UBE2H: variants seen among roughly 807,000 people sequenced by gnomAD.
The protein encoded by UBE2H is ubiquitin conjugating enzyme E2 H, also known as ubiquitin-conjugating enzyme E2 H.
UBE2H carries 3 observed loss-of-function variants against 29.0 expected under a neutral mutation model. The ratio of observed to expected loss-of-function variants is 0.10; its 90% CI spans 0.05 to 0.27. UBE2H has a LOEUF of 0.27. UBE2H is among the 10% of genes least tolerant of loss of function. UBE2H has a pLI of 1.00. For missense variants in UBE2H, 68 were observed against 228.2 expected (o/e 0.30, Z 4.52); for synonymous variants, 69 against 82.9 (o/e 0.83, Z 0.91).
intron 1 of UBE2H, among the ~76,000 whole-genome samples, chr7:129,917,441 T>C (rs553074297): frequency 6.6e-6 from 1 of 152,272 alleles, no homozygotes; most frequent in East Asian, 1.9e-4. Context: ...ACTGTGTGTG[T>C]GCAGATGTGT....
At chr7:129,934,975 ATG>A (rs1563051603) in intron 1 of UBE2H, among the ~76,000 whole-genome samples, 2 of 150,702 alleles carry the variant, frequency 1.3e-5, no homozygotes, top group East Asian at 1.9e-4. Flanking sequence ...ATGTGTATAT[ATG>A]TGTGTGTATA....
chr7:129,863,088 G>C (rs903773810), intron 3 of UBE2H, among the ~76,000 whole-genome samples: 2 of 152,186 alleles, frequency 1.3e-5, no homozygotes, highest in African/African-American at 4.8e-5. Flanking sequence ...AAAGACTAAG[G>C]TGCCTCCCTC....
At chr7:129,844,944 C>T (rs1265121040) in intron 5 of UBE2H, among the ~76,000 whole-genome samples, 3 of 152,174 alleles carry the variant, frequency 2.0e-5, no homozygotes, top group Non-Finnish European at 2.9e-5. Context: ...GCCTGGCCAA[C>T]GTGGCAAAAC....
At chr7:129,913,978 CA>C (rs2116453985) in intron 1 of UBE2H, among the ~76,000 whole-genome samples, 1 of 152,272 alleles carries the variant, frequency 6.6e-6, no homozygotes, top group African/African-American at 2.4e-5. Context: ...CTAGGAAACA[CA>C]TATCTGCTTG....
chr7:129,858,219 A>G (rs1206861893), intron 4 of UBE2H, among the ~76,000 whole-genome samples: 1 of 152,210 alleles, frequency 6.6e-6, no homozygotes, highest in Non-Finnish European at 1.5e-5. Flanking sequence ...TAGATAAGAG[A>G]ATATCCTTGT....
intron 1 of UBE2H, among the ~76,000 whole-genome samples, chr7:129,886,987 G>C (rs939088533): frequency 6.6e-6 from 1 of 151,972 alleles, no homozygotes. Flanking sequence ...GGCCAGCAAC[G>C]TTAATGATTG....
At chr7:129,839,911 T>G (rs1805397862) in intron 5 of UBE2H, among the ~76,000 whole-genome samples, 1 of 152,158 alleles carries the variant, frequency 6.6e-6, no homozygotes. Flanking sequence ...GGTTTCACCA[T>G]GTTGGTCAGG....
intron 5 of UBE2H, among the ~76,000 whole-genome samples, chr7:129,853,137 G>A (rs929899663): frequency 6.6e-6 from 1 of 152,188 alleles, no homozygotes; most frequent in Non-Finnish European, 1.5e-5. Flanking sequence ...GGTCCAGAAG[G>A]GTGGGATGAG....
chr7:129,885,477 G>A (rs368558600), intron 1 of UBE2H, among the ~76,000 whole-genome samples: 3 of 151,990 alleles, frequency 2.0e-5, no homozygotes, highest in South Asian at 4.2e-4. Flanking sequence ...ACCTGGATGC[G>A]ATAAAACGAG....
intron 2 of UBE2H, among the ~76,000 whole-genome samples, chr7:129,880,638 T>C (rs915407861): frequency 2.0e-5 from 3 of 152,218 alleles, no homozygotes; most frequent in Admixed American, 1.3e-4. Context: ...ACATGCAAAT[T>C]CTATGTCATC....
At chr7:129,860,629 C>CA (rs767435633) in intron 3 of UBE2H, among the ~76,000 whole-genome samples, 23 of 151,980 alleles carry the variant, frequency 1.5e-4, no homozygotes, top group Non-Finnish European at 2.4e-4. Flanking sequence ...AAGGGGAGTA[C>CA]ATCCATCTAC....
intron 5 of UBE2H, among the ~76,000 whole-genome samples, chr7:129,843,425 T>C (rs1046678807): frequency 1.3e-5 from 2 of 152,086 alleles, no homozygotes; most frequent in Non-Finnish European, 2.9e-5. Context: ...TAGGCACCAT[T>C]TTACAGATGG....
chr7:129,877,607 C>G (rs1806171070), intron 3 of UBE2H, among the ~76,000 whole-genome samples: 1 of 152,178 alleles, frequency 6.6e-6, no homozygotes, highest in Admixed American at 6.5e-5. Context: ...TAGGCATTAT[C>G]AAGTCCTGAA....
intron 1 of UBE2H, among the ~76,000 whole-genome samples, chr7:129,893,260 T>C (rs995307846): frequency 1.3e-5 from 2 of 152,194 alleles, no homozygotes; most frequent in African/African-American, 2.4e-5. Context: ...AAGCCAAACA[T>C]AGGCAAAAAC....
intron 1 of UBE2H, among the ~76,000 whole-genome samples, chr7:129,946,210 G>A (rs1052484236): frequency 2.0e-5 from 3 of 150,506 alleles, no homozygotes; most frequent in Non-Finnish European, 3.0e-5. Flanking sequence ...CCGCCACCAC[G>A]CCCGGCTAAT....
At chr7:129,936,995 A>AAAC (rs990380629) in intron 1 of UBE2H, among the ~76,000 whole-genome samples, 1 of 151,350 alleles carries the variant, frequency 6.6e-6, no homozygotes. Context: ...ACAAACAAAC[A>AAAC]AACAACAACA....
chr7:129,937,424 T>TC (rs1033430142), intron 1 of UBE2H, among the ~76,000 whole-genome samples: 1 of 152,192 alleles, frequency 6.6e-6, no homozygotes, highest in African/African-American at 2.4e-5. Context: ...TTCAGATATA[T>TC]CATGGTTTAT....
intron 1 of UBE2H, among the ~76,000 whole-genome samples, chr7:129,916,174 T>A (rs1487306641): frequency 1.3e-5 from 2 of 152,170 alleles, no homozygotes; most frequent in Admixed American, 1.3e-4. Context: ...TCCAGGACTT[T>A]AACATCCTAA....
At chr7:129,884,554 A>G (rs1394745646) in intron 1 of UBE2H, among the ~76,000 whole-genome samples, 3 of 152,078 alleles carry the variant, frequency 2.0e-5, no homozygotes, top group Non-Finnish European at 4.4e-5. Flanking sequence ...GAAACGGTCT[A>G]AACATTTATC....
Sources: allele counts gnomAD v4.1 joint callset (sites outside exome capture counted in the v4.1 genomes callset), GRCh38; gene constraint gnomAD v4.1.1; transcripts MANE v1.5; gene names NCBI Gene and HGNC (gene_info 2026-07-23, HGNC 2026-07-21).